PSD3: variants seen among roughly 807,000 people sequenced by gnomAD.
PSD3 encodes PH and SEC7 domain-containing protein 3.
In PSD3, 49 loss-of-function variants were observed where a neutral mutation model predicts 105.5. That is an observed-to-expected ratio of 0.46 (90% CI 0.37 to 0.59). The LOEUF (loss-of-function observed/expected upper bound fraction) is 0.59, where lower values mean the gene tolerates loss of function less well. Ranked by LOEUF, PSD3 falls within the 20% of genes least tolerant of loss-of-function variation. The pLI, the probability that PSD3 is intolerant of heterozygous loss-of-function variation, is 0.00. For synonymous variants in PSD3, 557 were observed against 457.8 expected, an observed-to-expected ratio of 1.22 and a Z score of -2.77; for missense variants, 1,561 against 1,263.8, an observed-to-expected ratio of 1.24 and a Z score of -3.57.
At chr8:18,698,287 T>G (rs949677607) in intron 9 of PSD3, among the ~76,000 whole-genome samples, 7 of 152,138 alleles carry the variant, frequency 4.6e-5, no homozygotes, top group African/African-American at 1.7e-4. Flanking sequence ...TTTAATTTTT[T>G]AAAAAAATTT....
intron 1 of PSD3, among the ~76,000 whole-genome samples, chr8:18,952,167 T>G (rs763978062): frequency 1.2e-4 from 19 of 152,096 alleles, no homozygotes; most frequent in Non-Finnish European, 2.8e-4. Context: ...TGTCCTCAAT[T>G]TCATAGTTTT....
chr8:18,632,425 T>C (rs527377496), intron 11 of PSD3, among the ~76,000 whole-genome samples, 188 bp downstream of exon 11: 1 of 152,198 alleles, frequency 6.6e-6, no homozygotes, highest in South Asian at 2.1e-4. Context: ...AGTTCTATAA[T>C]TCTGCTTAGA....
chr8:19,004,201 T>C (rs575943128), intron 1 of PSD3, among the ~76,000 whole-genome samples: 23 of 152,162 alleles, frequency 1.5e-4, no homozygotes, highest in African/African-American at 5.3e-4. Flanking sequence ...TTTCTATACA[T>C]AAAAGTCTCC....
At chr8:18,791,348 C>A (rs1586007514) in intron 8 of PSD3, among the ~76,000 whole-genome samples, 1 of 152,028 alleles carries the variant, frequency 6.6e-6, no homozygotes. Flanking sequence ...GCTACAGTAA[C>A]CCAAACAACA....
intron 12 of PSD3, among the ~76,000 whole-genome samples, chr8:18,595,625 G>A (rs1285309894): frequency 6.6e-6 from 1 of 151,656 alleles, no homozygotes; most frequent in Non-Finnish European, 1.5e-5. Context: ...GAGCAGAGGG[G>A]TAGCCATACT....
intron 2 of PSD3, among the ~76,000 whole-genome samples, chr8:18,930,720 C>T (rs1821692801): frequency 6.6e-6 from 1 of 152,094 alleles, no homozygotes; most frequent in African/African-American, 2.4e-5. Flanking sequence ...CAGGCATGTG[C>T]AACCACACCT....
In PSD3 at chr8:18,619,991, C is replaced by T. The variant is rs572381192; in HGVS notation, c.2410+12622G>A. On this transcript the variant is annotated intron_variant, in intron 11 of 15. Transcript: ENST00000327040. ...GCTAAGAGCCCAACACCTCAAAAGT[C>T]TGAAAAGAGACATTTATAGTCTGTT... is the stretch of plus-strand genomic sequence containing the variant. Among the ~76,000 whole-genome samples the T allele has an allele frequency of 2.6e-5, 4 of 152,258 alleles. No homozygotes were observed. The East Asian group carries it at 7.7e-4, about 29-fold the overall frequency.
chr8:18,869,000 C>G (rs575720365), intron 3 of PSD3, among the ~76,000 whole-genome samples: 20 of 152,152 alleles, frequency 1.3e-4, no homozygotes, highest in Non-Finnish European at 2.1e-4. Flanking sequence ...AAGTCATCCA[C>G]ATTCCCAGGT....
At chr8:18,996,352 C>G (rs941370291) in intron 1 of PSD3, among the ~76,000 whole-genome samples, 3 of 151,886 alleles carry the variant, frequency 2.0e-5, no homozygotes, top group African/African-American at 7.3e-5. Context: ...TATTGCATAA[C>G]TATTAACAGA....
intron 1 of PSD3, among the ~76,000 whole-genome samples, chr8:18,960,414 G>A (rs781172667): frequency 6.6e-6 from 1 of 152,178 alleles, no homozygotes; most frequent in Non-Finnish European, 1.5e-5. Flanking sequence ...CTATTATTTA[G>A]ATGTGATTTA....
intron 8 of PSD3, among the ~76,000 whole-genome samples, chr8:18,793,660 G>A (rs1809959974): frequency 6.6e-6 from 1 of 152,170 alleles, no homozygotes; most frequent in Non-Finnish European, 1.5e-5. Flanking sequence ...AGCTCAGAGA[G>A]AAAACTGAAT....
chr8:18,781,981 G>A (rs532173491), intron 8 of PSD3, among the ~76,000 whole-genome samples: 41 of 152,008 alleles, frequency 2.7e-4, no homozygotes, highest in African/African-American at 9.2e-4. Context: ...TATTGAAACT[G>A]ATGATTATAT....
At chr8:19,033,212 C>T (rs1827827962) in intron 1 of PSD3, among the ~76,000 whole-genome samples, 1 of 152,080 alleles carries the variant, frequency 6.6e-6, no homozygotes, top group Non-Finnish European at 1.5e-5. Flanking sequence ...AAAGTTATTT[C>T]ATAGATAGAG....
chr8:18,654,753 C>T (rs1808763498), intron 10 of PSD3, among the ~76,000 whole-genome samples: 1 of 152,128 alleles, frequency 6.6e-6, no homozygotes, highest in East Asian at 1.9e-4. Context: ...CCTAGAAGTT[C>T]TGAAGTTTAA....
intron 9 of PSD3, chr8:18,683,625 A>C: frequency 1.7e-6 from 1 of 573,850 alleles, no homozygotes. Flanking sequence ...CATCCGTTTC[A>C]CCTGATCGCA....
chr8:18,729,531 C>T (rs766417807), intron 9 of PSD3, among the ~76,000 whole-genome samples: 1 of 152,100 alleles, frequency 6.6e-6, no homozygotes, highest in African/African-American at 2.4e-5. Flanking sequence ...CATGCAACAA[C>T]CATAAAACGA....
chr8:18,854,034 ACAAT>A (rs1395993232), intron 4 of PSD3: 3 of 152,120 alleles, frequency 2.0e-5, no homozygotes, highest in Non-Finnish European at 4.4e-5. Flanking sequence ...TTCTACAATT[ACAAT>A]TATACATAAT....
At chr8:18,747,999 T>A (rs1805167436) in intron 9 of PSD3, among the ~76,000 whole-genome samples, 2 of 152,008 alleles carry the variant, frequency 1.3e-5, no homozygotes, top group African/African-American at 4.8e-5. Flanking sequence ...ACTAGAAGCT[T>A]TAAGGGCAAA....
chr8:19,051,348 T>G (rs948390876), intron 1 of PSD3, among the ~76,000 whole-genome samples: 4 of 152,202 alleles, frequency 2.6e-5, no homozygotes, highest in African/African-American at 9.7e-5. Context: ...TGTTACATAC[T>G]CTCATATGAC....
Sources: allele counts gnomAD v4.1 joint callset (sites outside exome capture counted in the v4.1 genomes callset), GRCh38; gene constraint gnomAD v4.1.1; transcripts MANE v1.5; gene names NCBI Gene and HGNC (gene_info 2026-07-23, HGNC 2026-07-21).